The following TENT5D variants were observed in gnomAD, a reference collection of about 807,000 sequenced individuals.
TENT5D encodes terminal nucleotidyltransferase 5D, also known as cancer/testis antigen 112.
For missense variants in TENT5D, 191 were observed against 287.0 expected (o/e 0.67, Z 2.42); for synonymous variants, 103 against 100.6 (o/e 1.02, Z -0.15).
In TENT5D at chrX:80,340,669, G is replaced by T. The variant is rs148319676; in HGVS notation, c.-206-1831G>T. Among the ~76,000 whole-genome samples the T allele has an allele frequency of 2.8e-3, 313 of 110,707 alleles. 1 individual carries two copies. The highest frequency in any genetic ancestry group is 9.4e-3 in the Middle Eastern group (2 of 213). ...TCTCAAGCAGAACTGTAGACATTTCGGTCTGTACAATGTTTTGAGGAGACT... is the reference window on the plus strand; with the variant it reads ...TCTCAAGCAGAACTGTAGACATTTCTGTCTGTACAATGTTTTGAGGAGACT... On this transcript the variant is annotated intron_variant, in intron 2 of 4. Coordinates refer to the TENT5D transcript ENST00000538312.
At chrX:80,415,896 A>G (rs1352658454), upstream of TENT5D, among the ~76,000 whole-genome samples, 1 of 111,851 alleles carries the variant, frequency 8.9e-6, no homozygotes, top group Non-Finnish European at 1.9e-5. Context: ...TACATTTGAT[A>G]AAATTCAGTG....
intron 3 of TENT5D, among the ~76,000 whole-genome samples, chrX:80,377,794 C>A (rs1930765471): frequency 8.9e-6 from 1 of 111,824 alleles, no homozygotes; most frequent in East Asian, 2.8e-4. Context: ...AATTCTAGAT[C>A]CTTGAGGAAT....
At chrX:80,397,066 G>A (rs1325813480) in intron 3 of TENT5D, among the ~76,000 whole-genome samples, 4 of 97,837 alleles carry the variant, frequency 4.1e-5, no homozygotes, top group South Asian at 5.4e-4. Flanking sequence ...GGTGGCTGCC[G>A]GGCGGAGATG....
At chrX:80,408,421 C>G (rs1265725105) in intron 3 of TENT5D, among the ~76,000 whole-genome samples, 2 of 110,043 alleles carry the variant, frequency 1.8e-5, no homozygotes, top group African/African-American at 3.3e-5. Flanking sequence ...GGGATATCAC[C>G]ACAGATCCCA....
chrX:80,351,229 G>A (rs1930171174), intron 3 of TENT5D, among the ~76,000 whole-genome samples: 1 of 110,511 alleles, frequency 9.0e-6, no homozygotes, highest in South Asian at 3.8e-4. Context: ...TTAATATCCT[G>A]AAGTGTGTTT....
At chrX:80,422,381 G>A (rs1006098656) in intron 1 of TENT5D, among the ~76,000 whole-genome samples, 2 of 112,015 alleles carry the variant, frequency 1.8e-5, no homozygotes, top group Non-Finnish European at 3.8e-5. Flanking sequence ...GCTGAGGCAG[G>A]AGAATCGCTT....
At chrX:80,405,908 C>T (rs952069467) in intron 3 of TENT5D, among the ~76,000 whole-genome samples, 7 of 110,090 alleles carry the variant, frequency 6.4e-5, no homozygotes, top group Admixed American at 3.9e-4. Flanking sequence ...GATCTGAGAA[C>T]GGGCAGACTG....
chrX:80,377,389 A>G (rs755849175), intron 3 of TENT5D, among the ~76,000 whole-genome samples: 1 of 110,089 alleles, frequency 9.1e-6, no homozygotes, highest in East Asian at 2.9e-4. Context: ...TCCCCCATAT[A>G]CCCACTCCAC....
chrX:80,424,082 G>T (rs181895039), intron 1 of TENT5D, among the ~76,000 whole-genome samples: 232 of 110,087 alleles, frequency 2.1e-3, no homozygotes, highest in African/African-American at 7.1e-3. Flanking sequence ...ATTAAGCGTT[G>T]ATTTTTTTTT....
chrX:80,427,177 A>G (rs1378562101), intron 1 of TENT5D, among the ~76,000 whole-genome samples: 2 of 111,754 alleles, frequency 1.8e-5, no homozygotes, highest in African/African-American at 6.5e-5. Flanking sequence ...ACATGTTATA[A>G]TGGTAACTCT....
At chrX:80,360,220 T>C (rs1304029828) in intron 3 of TENT5D, among the ~76,000 whole-genome samples, 1 of 112,306 alleles carries the variant, frequency 8.9e-6, no homozygotes, top group Non-Finnish European at 1.9e-5. Flanking sequence ...GCCAGAGAAC[T>C]AGACAATTTA....
chrX:80,400,478 T>G (rs1162439383), intron 3 of TENT5D, among the ~76,000 whole-genome samples: 1 of 111,856 alleles, frequency 8.9e-6, no homozygotes, highest in African/African-American at 3.2e-5. Context: ...TCTTGACAAC[T>G]TGGCATCCAC....
chrX:80,378,880 CT>C (rs1311735631), intron 3 of TENT5D, among the ~76,000 whole-genome samples: 1 of 109,728 alleles, frequency 9.1e-6, no homozygotes, highest in Non-Finnish European at 1.9e-5. Flanking sequence ...GCCTGATTGC[CT>C]GGCCAGAACT....
chrX:80,377,191 T>A lies in TENT5D; in HGVS notation c.-142+34627T>A, dbSNP rs146690861. 4.7e-3 allele frequency among the ~76,000 whole-genome samples: 527 copies of A among 111,915 alleles called. 1 individual carries two copies. Among genetic ancestry groups the A allele is most frequent in the Non-Finnish European group, 8.3e-3 (439 of 53,151 alleles). On this transcript the variant is annotated intron_variant, in intron 3 of 4. Coordinates refer to the TENT5D transcript ENST00000538312. ...ACTTAACTTTTATATTAATTGATTA[T>A]AATGTTGCTAGATTAGTGATAATCA...
intron 3 of TENT5D, among the ~76,000 whole-genome samples, chrX:80,405,847 CCTGT>C (rs1220092634): frequency 8.9e-6 from 1 of 111,831 alleles, no homozygotes; most frequent in Non-Finnish European, 1.9e-5. Flanking sequence ...CTTAAATGTC[CCTGT>C]CTGACAGCTT....
chrX:80,377,921 C>T (rs965847971), intron 3 of TENT5D, among the ~76,000 whole-genome samples: 7 of 111,729 alleles, frequency 6.3e-5, no homozygotes, highest in Non-Finnish European at 1.1e-4. Flanking sequence ...TTTTAATGAT[C>T]GCCATTCTAA....
chrX:80,388,545 G>A (rs1251217550), intron 3 of TENT5D, among the ~76,000 whole-genome samples: 2 of 111,516 alleles, frequency 1.8e-5, no homozygotes, highest in East Asian at 5.7e-4. Flanking sequence ...CCAGGTTCTG[G>A]GGCTTGGAAT....
At chrX:80,410,628 A>G (rs1303374714) in intron 3 of TENT5D, among the ~76,000 whole-genome samples, 1 of 100,587 alleles carries the variant, frequency 9.9e-6, no homozygotes, top group African/African-American at 3.6e-5. Flanking sequence ...AAATAGGAAC[A>G]CTTTTACACT....
At chrX:80,384,910 T>G (rs1350226895) in intron 3 of TENT5D, among the ~76,000 whole-genome samples, 2 of 110,288 alleles carry the variant, frequency 1.8e-5, no homozygotes, top group African/African-American at 6.6e-5. Flanking sequence ...CACTGCTCAA[T>G]GAAATAAAAA....
Sources: gnomAD v4.1 joint callset for allele counts (sites outside exome capture counted in the v4.1 genomes callset) on GRCh38, gnomAD v4.1.1 for gene constraint, MANE v1.5 for transcripts, NCBI Gene and HGNC (gene_info 2026-07-23, HGNC 2026-07-21) for gene names.